The following CSMD1 variants were observed in gnomAD, a reference collection of about 807,000 sequenced individuals.
The protein encoded by CSMD1 is CUB and sushi domain-containing protein 1.
A neutral mutation model predicts 417.5 loss-of-function variants in CSMD1; 213 were observed. The ratio of observed to expected loss-of-function variants is 0.51; its 90% CI spans 0.46 to 0.57. The LOEUF (loss-of-function observed/expected upper bound fraction) is 0.57, where lower values mean the gene tolerates loss of function less well. CSMD1 is among the 20% of genes least tolerant of loss of function. The pLI, the probability that CSMD1 is intolerant of heterozygous loss-of-function variation, is 0.00. For missense variants in CSMD1, 6,923 were observed against 4,529.7 expected (o/e 1.53, Z -15.17); for synonymous variants, 2,862 against 1,736.8 (o/e 1.65, Z -16.11).
chr8:3,398,091 A>G (rs1001138008), intron 16 of CSMD1, among the ~76,000 whole-genome samples: 3 of 152,172 alleles, frequency 2.0e-5, no homozygotes, highest in African/African-American at 7.2e-5. Context: ...AATCAAGCAA[A>G]TATCTTCCTT....
chr8:3,894,366 G>T (rs773201615), intron 5 of CSMD1, among the ~76,000 whole-genome samples: 2 of 152,112 alleles, frequency 1.3e-5, no homozygotes, highest in Non-Finnish European at 2.9e-5. Context: ...AATGGGTGTT[G>T]CAACTCAAGG....
At chr8:4,484,278 C>T (rs1281930839) in intron 2 of CSMD1, among the ~76,000 whole-genome samples, 1 of 151,232 alleles carries the variant, frequency 6.6e-6, no homozygotes, top group East Asian at 1.9e-4. Context: ...AACAAGGTTT[C>T]ATTTTGTTTT....
At chr8:3,206,648 G>T (rs368742598) in intron 30 of CSMD1, among the ~76,000 whole-genome samples, 21 of 141,274 alleles carry the variant, frequency 1.5e-4, no homozygotes, top group Non-Finnish European at 2.1e-4. Flanking sequence ...GTGTGTGTGG[G>T]TGTATGTGTG....
In CSMD1 at chr8:4,463,283, A is replaced by G. The variant is rs181901996; in HGVS notation, c.303-43218T>C. ...AATAGGTACCATCAAAAAGACAGTT[A>G]GTAAGTGTTGGTGAGGAGGTGTATG... On this transcript the variant is annotated intron_variant, in intron 2 of 69. Transcript: ENST00000635120. Among the ~76,000 whole-genome samples, 249 of 148,064 alleles carry G rather than the reference A, an allele frequency of 1.7e-3. 1 individual carries two copies. Among genetic ancestry groups the G allele is most frequent in the African/African-American group, 5.8e-3 (232 of 39,774 alleles).
chr8:4,087,147 A>G (rs958848330), intron 3 of CSMD1, among the ~76,000 whole-genome samples: 1 of 152,150 alleles, frequency 6.6e-6, no homozygotes, highest in Admixed American at 6.6e-5. Context: ...GCGGAAATGG[A>G]ACAAAGACCC....
At chr8:2,956,863 A>G (rs1803047296) in intron 63 of CSMD1, among the ~76,000 whole-genome samples, 1 of 152,184 alleles carries the variant, frequency 6.6e-6, no homozygotes, top group Non-Finnish European at 1.5e-5. Flanking sequence ...CATATTATAT[A>G]TAAACATGCA....
intron 9 of CSMD1, among the ~76,000 whole-genome samples, chr8:3,580,578 A>C (rs780294976): frequency 6.6e-5 from 10 of 152,220 alleles, no homozygotes; most frequent in Admixed American, 1.3e-4. Flanking sequence ...ATAACTTAGT[A>C]AAAATAATAA....
chr8:3,933,687 G>T lies in CSMD1; in HGVS notation c.818+64216C>A, dbSNP rs533332767. 6.4e-4 allele frequency among the ~76,000 whole-genome samples: 97 copies of T among 152,228 alleles called. 1 individual carries two copies. The Middle Eastern group carries it at 0.014, about 21-fold the overall frequency. On this transcript the variant is annotated intron_variant, in intron 5 of 69. Transcript: ENST00000635120. ...TATTATTTTACAAAATGTTTCGCAT[G>T]CAATTTGTGCTCCTTTTGTATGCAA...
chr8:4,831,421 A>T (rs1800141142), intron 1 of CSMD1, among the ~76,000 whole-genome samples: 1 of 152,234 alleles, frequency 6.6e-6, no homozygotes, highest in Non-Finnish European at 1.5e-5. Flanking sequence ...GAATAACTAC[A>T]AATATCCATA....
intron 2 of CSMD1, among the ~76,000 whole-genome samples, chr8:4,610,584 G>A (rs1349444822): frequency 2.6e-5 from 4 of 152,072 alleles, no homozygotes; most frequent in Non-Finnish European, 1.5e-5. Context: ...CTTCCTCCCT[G>A]CTTTGGTAAA....
chr8:4,584,682 G>A (rs1799612561), intron 2 of CSMD1, among the ~76,000 whole-genome samples: 1 of 152,094 alleles, frequency 6.6e-6, no homozygotes, highest in Admixed American at 6.5e-5. Flanking sequence ...TCAAAAGCAT[G>A]TCGCCCAAGC....
chr8:4,537,550 A>C (rs1585220323), intron 2 of CSMD1, among the ~76,000 whole-genome samples: 1 of 152,238 alleles, frequency 6.6e-6, no homozygotes, highest in Admixed American at 6.5e-5. Context: ...TAAAAAGATT[A>C]GTTTTCAAGT....
intron 2 of CSMD1, among the ~76,000 whole-genome samples, chr8:4,462,875 T>C (rs749414636): frequency 6.6e-6 from 1 of 152,050 alleles, no homozygotes; most frequent in Non-Finnish European, 1.5e-5. Context: ...GAAGAAAATA[T>C]AGGAGTAAAT....
intron 10 of CSMD1, among the ~76,000 whole-genome samples, chr8:3,538,682 C>T (rs1010721779): frequency 2.0e-5 from 3 of 152,216 alleles, no homozygotes; most frequent in East Asian, 3.9e-4. Flanking sequence ...TCCTTAGCAA[C>T]GTGGCATGGC....
intron 5 of CSMD1, among the ~76,000 whole-genome samples, chr8:3,989,976 C>G (rs1254970674): frequency 2.0e-5 from 3 of 152,162 alleles, no homozygotes; most frequent in Non-Finnish European, 4.4e-5. Context: ...ATGAAGATAT[C>G]AAAATGTACA....
chr8:4,176,163 G>A (rs1391851041), intron 3 of CSMD1, among the ~76,000 whole-genome samples: 3 of 152,040 alleles, frequency 2.0e-5, no homozygotes, highest in South Asian at 2.1e-4. Context: ...GAGACTCTAT[G>A]TCTTGATCAG....
At chr8:4,187,044 G>A (rs3860865) in intron 3 of CSMD1, among the ~76,000 whole-genome samples, 126,641 of 152,102 alleles carry the variant, frequency 0.83, 52,918 homozygotes, top group South Asian at 0.94. Flanking sequence ...CAGTTTTAAT[G>A]CCCATATAAA....
chr8:3,630,569 G>C (rs115160644), intron 7 of CSMD1, among the ~76,000 whole-genome samples: 198 of 152,334 alleles, frequency 1.3e-3, no homozygotes, highest in African/African-American at 4.5e-3. Flanking sequence ...GGAAGAAGGA[G>C]AGGAGGATGT....
chr8:3,196,558 G>C (rs1002419081), intron 33 of CSMD1, among the ~76,000 whole-genome samples: 1 of 152,080 alleles, frequency 6.6e-6, no homozygotes, highest in African/African-American at 2.4e-5. Context: ...CTTCAGGAGG[G>C]GAATAATTAG....
Sources: gnomAD v4.1 joint callset for allele counts (sites outside exome capture counted in the v4.1 genomes callset) on GRCh38, gnomAD v4.1.1 for gene constraint, MANE v1.5 for transcripts, NCBI Gene and HGNC (gene_info 2026-07-23, HGNC 2026-07-21) for gene names.